The following MAPKAP1 variants were observed in gnomAD, a reference collection of about 807,000 sequenced individuals.
The protein encoded by MAPKAP1 is MAPK associated protein 1, also known as target of rapamycin complex 2 subunit MAPKAP1.
Under a neutral mutation model 65.7 loss-of-function variants are expected in MAPKAP1, and 20 were observed. That is an observed-to-expected ratio of 0.30 (90% CI 0.21 to 0.44). The LOEUF (loss-of-function observed/expected upper bound fraction) is 0.44. Among genes scored for constraint, MAPKAP1 ranks in the 20% least tolerant of loss-of-function variants. MAPKAP1 has a pLI of 1.00. For synonymous variants in MAPKAP1, 222 were observed against 244.3 expected, an observed-to-expected ratio of 0.91 and a Z score of 0.85; for missense variants, 423 against 648.0, an observed-to-expected ratio of 0.65 and a Z score of 3.77.
intron 4 of MAPKAP1, chr9:125,596,371 GATA>G (rs1832125824): frequency 1.2e-6 from 1 of 803,014 alleles, no homozygotes; most frequent in Non-Finnish European, 2.2e-6. Context: ...GGTGGTGGTG[GATA>G]TGGTGGCAGT....
intron 7 of MAPKAP1, among the ~76,000 whole-genome samples, chr9:125,534,720 A>G (rs1201870902): frequency 6.6e-6 from 1 of 152,196 alleles, no homozygotes; most frequent in African/African-American, 2.4e-5. Context: ...TAAAGTTCAT[A>G]TTCAACACAG....
chr9:125,676,068 C>T (rs371356136), intron 1 of MAPKAP1, among the ~76,000 whole-genome samples: 17 of 152,168 alleles, frequency 1.1e-4, no homozygotes, highest in African/African-American at 3.9e-4. Context: ...AAATTGTACT[C>T]TCTGATCAGT....
chr9:125,538,187 C>T (rs1457788885), intron 7 of MAPKAP1, among the ~76,000 whole-genome samples: 4 of 152,086 alleles, frequency 2.6e-5, no homozygotes, highest in South Asian at 2.1e-4. Context: ...TGCTCTGACT[C>T]ATATTTTAAA....
intron 4 of MAPKAP1, among the ~76,000 whole-genome samples, chr9:125,640,989 C>A (rs567647810): frequency 1.3e-5 from 2 of 152,164 alleles, no homozygotes; most frequent in African/African-American, 4.8e-5. Context: ...GGATTCAAAG[C>A]TGGCCCTACC....
chr9:125,698,365 T>G (rs1835495505), intron 1 of MAPKAP1, among the ~76,000 whole-genome samples: 1 of 139,450 alleles, frequency 7.2e-6, no homozygotes. Flanking sequence ...GAGATGGAGT[T>G]TCACTCTTGT....
intron 4 of MAPKAP1, among the ~76,000 whole-genome samples, chr9:125,609,216 G>C (rs1832527461): frequency 6.6e-6 from 1 of 152,020 alleles, no homozygotes; most frequent in Non-Finnish European, 1.5e-5. Context: ...TGAACTGATG[G>C]GAATGAAAAT....
Position 125,452,162 on chromosome 9 carries a change from G to C in MAPKAP1, c.1346-7564C>G, listed in dbSNP as rs190562676. On this transcript the variant is annotated intron_variant, in intron 10 of 11. Coordinates refer to ENST00000265960, the MANE Select transcript of MAPKAP1 (RefSeq NM_001006617.3). Reference sequence around the variant, plus strand: ...TCACTCAGCTGGAGTGCAGTGCTGCGATCTGGGCTCACTGCAATCTCTGTC... The same window carrying C: ...TCACTCAGCTGGAGTGCAGTGCTGCCATCTGGGCTCACTGCAATCTCTGTC... Among the ~76,000 whole-genome samples the C allele has an allele frequency of 2.1e-3, 316 of 151,590 alleles. 1 individual carries two copies. Among genetic ancestry groups the C allele is most frequent in the Non-Finnish European group, 3.2e-3 (220 of 67,926 alleles).
intron 7 of MAPKAP1, among the ~76,000 whole-genome samples, chr9:125,514,227 G>C (rs1331284346): frequency 6.6e-6 from 1 of 152,116 alleles, no homozygotes; most frequent in Non-Finnish European, 1.5e-5. Context: ...CCACCTCAGG[G>C]AAGGGGAGGG....
At chr9:125,636,923 A>G (rs1833441555) in intron 4 of MAPKAP1, among the ~76,000 whole-genome samples, 1 of 152,210 alleles carries the variant, frequency 6.6e-6, no homozygotes, top group Admixed American at 6.5e-5. Flanking sequence ...GAAGACATAC[A>G]TACATGCAGA....
chr9:125,543,692 G>A (rs1454251754), intron 6 of MAPKAP1, among the ~76,000 whole-genome samples: 2 of 152,206 alleles, frequency 1.3e-5, no homozygotes, highest in African/African-American at 4.8e-5. Context: ...CGATTCTAGC[G>A]TGAGCAGTTC....
At chr9:125,706,940 G>A (rs1029481298) in intron 1 of MAPKAP1, 31 bp downstream of exon 1, 125 of 391,958 alleles carry the variant, frequency 3.2e-4, no homozygotes, top group Non-Finnish European at 2.9e-4. Flanking sequence ...TGACGGACGG[G>A]CGGGGAGCTG....
chr9:125,662,726 T>C (rs1360329521), intron 3 of MAPKAP1, among the ~76,000 whole-genome samples: 1 of 151,938 alleles, frequency 6.6e-6, no homozygotes, highest in Non-Finnish European at 1.5e-5. Flanking sequence ...TATAAAGAAA[T>C]TATTTTAAAT....
intron 1 of MAPKAP1, among the ~76,000 whole-genome samples, chr9:125,686,640 C>T (rs891233482): frequency 6.6e-5 from 10 of 152,154 alleles, no homozygotes; most frequent in Admixed American, 1.3e-4. Context: ...TGTTTTCCCT[C>T]GACCAGAATT....
intron 7 of MAPKAP1, among the ~76,000 whole-genome samples, chr9:125,540,759 G>A (rs1049964880): frequency 5.9e-5 from 9 of 152,130 alleles, no homozygotes; most frequent in Admixed American, 1.3e-4. Flanking sequence ...AAGTTCATGC[G>A]TCATAATGGG....
intron 4 of MAPKAP1, among the ~76,000 whole-genome samples, chr9:125,593,507 A>G (rs1724405961): frequency 6.6e-6 from 1 of 151,666 alleles, no homozygotes; most frequent in South Asian, 2.1e-4. Flanking sequence ...ACTGAAATAC[A>G]AAAAATTAGC....
chr9:125,462,490 G>T (rs1467629743), intron 10 of MAPKAP1, among the ~76,000 whole-genome samples: 2 of 152,244 alleles, frequency 1.3e-5, no homozygotes, highest in African/African-American at 4.8e-5. Context: ...GATTAAGACA[G>T]CCTCTGAACT....
chr9:125,455,081 T>C (rs762503184), intron 10 of MAPKAP1, among the ~76,000 whole-genome samples: 1 of 151,874 alleles, frequency 6.6e-6, no homozygotes, highest in Non-Finnish European at 1.5e-5. Flanking sequence ...TGAGAAAACA[T>C]AGACATTTAA....
intron 6 of MAPKAP1, among the ~76,000 whole-genome samples, chr9:125,545,537 C>T (rs118086392): frequency 6.6e-6 from 1 of 152,326 alleles, no homozygotes; most frequent in East Asian, 1.9e-4. Flanking sequence ...TCATGAACTG[C>T]CATCCACCTG....
chr9:125,530,213 C>G (rs565583648), intron 7 of MAPKAP1, among the ~76,000 whole-genome samples: 37 of 152,238 alleles, frequency 2.4e-4, no homozygotes, highest in African/African-American at 8.9e-4. Context: ...CTTACAGCTA[C>G]TAATAGGATA....
Sources: allele counts gnomAD v4.1 joint callset (sites outside exome capture counted in the v4.1 genomes callset), GRCh38; gene constraint gnomAD v4.1.1; transcripts MANE v1.5; gene names NCBI Gene and HGNC (gene_info 2026-07-23, HGNC 2026-07-21).